HMGN3: variants seen among roughly 807,000 people sequenced by gnomAD.
HMGN3 encodes high mobility group nucleosome-binding domain-containing protein 3.
In HMGN3, 6 loss-of-function variants were observed where a neutral mutation model predicts 18.8. The observed-to-expected ratio is 0.32, with a 90% CI of 0.18 to 0.63. The LOEUF (loss-of-function observed/expected upper bound fraction) is 0.63. Ranked by LOEUF, HMGN3 falls within the 30% of genes least tolerant of loss-of-function variation. The probability of loss-of-function intolerance (pLI) is 0.79; values close to 1 mark genes in which losing one functional copy is unlikely to be tolerated. For missense variants in HMGN3, 107 were observed against 114.2 expected (o/e 0.94, Z 0.29); for synonymous variants, 40 against 36.5 (o/e 1.10, Z -0.35).
intron 3 of HMGN3, among the ~76,000 whole-genome samples, chr6:79,208,279 C>T (rs1234219304): frequency 6.6e-6 from 1 of 152,200 alleles, no homozygotes; most frequent in East Asian, 1.9e-4. Flanking sequence ...TAATATACTA[C>T]TTTTGTTTCA....
At chr6:79,201,576 T>C (rs540368467) in exon 6 of HMGN3, 3 of 732,198 alleles carry the variant, frequency 4.1e-6, no homozygotes, top group South Asian at 3.5e-5. Context: ...TATTTTCGTA[T>C]GCCAACTAGT....
intron 1 of HMGN3, among the ~76,000 whole-genome samples, chr6:79,220,101 A>G (rs1294116592): frequency 2.0e-5 from 3 of 152,206 alleles, no homozygotes; most frequent in Non-Finnish European, 4.4e-5. Flanking sequence ...GGGTCGGTAG[A>G]TAAGAAGTTA....
chr6:79,211,782 G>A (rs1481896702), intron 2 of HMGN3, among the ~76,000 whole-genome samples: 4 of 152,082 alleles, frequency 2.6e-5, no homozygotes, highest in African/African-American at 9.7e-5. Context: ...AAATTCTGGT[G>A]AAGCCTATTC....
intron 3 of HMGN3, among the ~76,000 whole-genome samples, chr6:79,206,196 C>T (rs1052130915): frequency 6.6e-6 from 1 of 152,262 alleles, no homozygotes; most frequent in South Asian, 2.1e-4. Flanking sequence ...AAATTCAATC[C>T]GGCTGCAGAA....
At chr6:79,224,859 C>A (rs1306290272) in intron 1 of HMGN3, among the ~76,000 whole-genome samples, 1 of 152,148 alleles carries the variant, frequency 6.6e-6, no homozygotes, top group Non-Finnish European at 1.5e-5. Flanking sequence ...CTCGGACATA[C>A]ATTAACTTCT....
At chr6:79,209,608 A>T (rs914276725) in intron 2 of HMGN3, among the ~76,000 whole-genome samples, 3 of 152,178 alleles carry the variant, frequency 2.0e-5, no homozygotes, top group Non-Finnish European at 4.4e-5. Flanking sequence ...GCCTCATTAC[A>T]ATAGCTTAAA....
At chr6:79,201,621 G>T in exon 6 of HMGN3, 3 of 1,077,148 alleles carry the variant, frequency 2.8e-6, no homozygotes, top group South Asian at 2.7e-5. Context: ...CAAAATACTT[G>T]GTAAAAATAG....
chr6:79,215,994 C>G (rs1355112611), intron 1 of HMGN3, among the ~76,000 whole-genome samples: 1 of 152,126 alleles, frequency 6.6e-6, no homozygotes, highest in African/African-American at 2.4e-5. Context: ...ATGTTTGGCT[C>G]AGCAAAATAA....
chr6:79,214,403 G>A (rs776562628), intron 2 of HMGN3, among the ~76,000 whole-genome samples: 15 of 151,878 alleles, frequency 9.9e-5, no homozygotes, highest in Admixed American at 3.3e-4. Context: ...GGGTTTCACC[G>A]TGTTAGCCAG....
At position 79,234,460 on chromosome 6, in the gene HMGN3, C is replaced by G. The variant is rs371108419; in HGVS notation, c.15+86G>C. On this transcript the variant is annotated intron_variant, in intron 1 of 5. Coordinates refer to ENST00000344726, the Ensembl canonical transcript of HMGN3. ...TCCCAATCCCCGGGTTACTACCGCG[C>G]GCGTTCTGCGCGAGCCATTGCAATG... The G allele has an allele frequency of 6.9e-4, 920 of 1,330,058 alleles. 17 individuals carry two copies. The South Asian group carries it at 0.01, about 15-fold the overall frequency. 82.4% of individuals were successfully genotyped at this position (1,330,058 alleles called of 1,614,324 possible).
intron 1 of HMGN3, among the ~76,000 whole-genome samples, chr6:79,230,613 C>T (rs1030973550): frequency 3.9e-5 from 6 of 152,068 alleles, no homozygotes; most frequent in Non-Finnish European, 8.8e-5. Flanking sequence ...TCTAGTAAAA[C>T]CAAACATTTC....
exon 4 of HMGN3, chr6:79,203,589 T>C: frequency 6.2e-7 from 1 of 1,613,408 alleles, no homozygotes; most frequent in Admixed American, 1.7e-5. Flanking sequence ...CCTTAGCAGA[T>C]GTTTTTCTTG....
rs548274227 is a variant in HMGN3, at chr6:79,205,957, G to A, written c.97-2327C>T. On this transcript the variant is annotated intron_variant, in intron 3 of 5. Transcript: ENST00000344726. ...GACTCTTGTTACGTTTTAGCAAAGA[G>A]ACTGGCAACATTTTGCCCCTGGTCT... Among the ~76,000 whole-genome samples the A allele has an allele frequency of 1.1e-3, 169 of 152,310 alleles. 1 individual carries two copies. Among genetic ancestry groups the A allele is most frequent in the Middle Eastern group, 6.8e-3 (2 of 294 alleles).
At chr6:79,224,432 G>A (rs993757980) in intron 1 of HMGN3, among the ~76,000 whole-genome samples, 1 of 152,172 alleles carries the variant, frequency 6.6e-6, no homozygotes, top group Non-Finnish European at 1.5e-5. Context: ...TCATTCATGA[G>A]CCTCTTGAAA....
chr6:79,203,551 A>T, intron 4 of HMGN3, 29 bp downstream of exon 4: 1 of 1,591,892 alleles, frequency 6.3e-7, no homozygotes, highest in Non-Finnish European at 8.6e-7. Flanking sequence ...TTGTTTAAAA[A>T]GCCAAAAGTG....
At chr6:79,223,089 G>A (rs1285306516) in intron 1 of HMGN3, among the ~76,000 whole-genome samples, 1 of 152,108 alleles carries the variant, frequency 6.6e-6, no homozygotes, top group Non-Finnish European at 1.5e-5. Context: ...TAATATTAAG[G>A]AAATATAGGC....
intron 1 of HMGN3, among the ~76,000 whole-genome samples, chr6:79,227,885 T>C (rs1479478211): frequency 1.4e-4 from 22 of 152,208 alleles, no homozygotes; most frequent in Non-Finnish European, 1.5e-5. Context: ...CTAGGTGCTA[T>C]GGGGGATGAA....
chr6:79,215,490 C>G (rs937888180), intron 1 of HMGN3, among the ~76,000 whole-genome samples: 2 of 152,220 alleles, frequency 1.3e-5, no homozygotes, highest in African/African-American at 4.8e-5. Context: ...GCCTTGATTT[C>G]TAGCCCATTT....
At chr6:79,201,874 T>C in intron 5 of HMGN3, 148 bp from the exon 7 acceptor site, 2 of 1,453,494 alleles carry the variant, frequency 1.4e-6, no homozygotes, top group Non-Finnish European at 1.8e-6. Context: ...CAACTCTGAG[T>C]GAAGAAGACA....
Sources: gnomAD v4.1 joint callset for allele counts (sites outside exome capture counted in the v4.1 genomes callset) on GRCh38, gnomAD v4.1.1 for gene constraint, MANE v1.5 for transcripts, NCBI Gene and HGNC (gene_info 2026-07-23, HGNC 2026-07-21) for gene names.